HMGCLL1: variants seen among roughly 807,000 people sequenced by gnomAD.
HMGCLL1 encodes 3-hydroxymethyl-3-methylglutaryl-CoA lyase, cytoplasmic.
A neutral mutation model predicts 39.1 loss-of-function variants in HMGCLL1; 36 were observed. The ratio of observed to expected loss-of-function variants is 0.92; its 90% CI spans 0.71 to 1.22. The LOEUF (loss-of-function observed/expected upper bound fraction) is 1.22, where lower values mean the gene tolerates loss of function less well. HMGCLL1 is among the 50% of genes most tolerant of loss of function. The pLI, the probability that HMGCLL1 is intolerant of heterozygous loss-of-function variation, is 0.00. For missense variants in HMGCLL1, 451 were observed against 416.5 expected (o/e 1.08, Z -0.72); for synonymous variants, 149 against 144.0 (o/e 1.03, Z -0.25).
At chr6:55,533,683 G>A (rs1385395668) in intron 3 of HMGCLL1, among the ~76,000 whole-genome samples, 1 of 151,292 alleles carries the variant, frequency 6.6e-6, no homozygotes, top group African/African-American at 2.4e-5. Context: ...TCAGGAGATC[G>A]AGACCATCCT....
At chr6:55,494,779 T>A (rs1220161989) in intron 7 of HMGCLL1, among the ~76,000 whole-genome samples, 1 of 152,182 alleles carries the variant, frequency 6.6e-6, no homozygotes, top group African/African-American at 2.4e-5. Context: ...AATTTTAAAA[T>A]AATACTCGTT....
intron 5 of HMGCLL1, among the ~76,000 whole-genome samples, chr6:55,504,826 T>C (rs920226468): frequency 6.6e-6 from 1 of 151,700 alleles, no homozygotes; most frequent in African/African-American, 2.4e-5. Context: ...TCTGAATACT[T>C]GTCTAAGACA....
At chr6:55,570,017 A>C (rs1208160118) in intron 1 of HMGCLL1, among the ~76,000 whole-genome samples, 1 of 152,194 alleles carries the variant, frequency 6.6e-6, no homozygotes, top group Non-Finnish European at 1.5e-5. Context: ...AAAATGCAAT[A>C]AACCCAGGAC....
At chr6:55,584,808 T>C in the HMGCLL1 span, among the ~76,000 whole-genome samples, 5 of 152,044 alleles carry the variant, frequency 3.3e-5, no homozygotes, top group Admixed American at 6.6e-5. Context: ...AAGATACCTA[T>C]TGGGCAGGGA....
At chr6:55,435,808 G>A in intron 8 of HMGCLL1, 45 bp from the exon 9 acceptor site, 1 of 989,946 alleles carries the variant, frequency 1.0e-6, no homozygotes, top group Non-Finnish European at 1.5e-6. Flanking sequence ...AGGGATTAGA[G>A]AGAAAAAAGA....
the HMGCLL1 span, among the ~76,000 whole-genome samples, chr6:55,635,564 T>C: frequency 6.6e-6 from 1 of 152,210 alleles, no homozygotes; most frequent in South Asian, 2.1e-4. Context: ...ATATACTGTC[T>C]GTCCAAGGTG....
intron 3 of HMGCLL1, among the ~76,000 whole-genome samples, chr6:55,522,721 C>T (rs979491808): frequency 1.3e-5 from 2 of 151,944 alleles, no homozygotes; most frequent in African/African-American, 4.8e-5. Flanking sequence ...CATGTCATTT[C>T]TATGTTTACT....
the HMGCLL1 span, among the ~76,000 whole-genome samples, chr6:55,615,113 A>T: frequency 1.3e-5 from 2 of 152,138 alleles, no homozygotes; most frequent in African/African-American, 2.4e-5. Context: ...TAGTGTAAAC[A>T]GCATAGACTT....
chr6:55,479,624 C>T (rs899258216), intron 7 of HMGCLL1, among the ~76,000 whole-genome samples: 13 of 151,590 alleles, frequency 8.6e-5, no homozygotes, highest in African/African-American at 3.2e-4. Context: ...TATATTAGCA[C>T]AGTAGGTCAG....
At chr6:55,488,514 C>A (rs998450804) in intron 7 of HMGCLL1, among the ~76,000 whole-genome samples, 1 of 152,018 alleles carries the variant, frequency 6.6e-6, no homozygotes, top group Middle Eastern at 3.4e-3. Flanking sequence ...ACCAATAAAC[C>A]TTTTTTTGGT....
chr6:55,562,847 T>C (rs1421991383), intron 1 of HMGCLL1, among the ~76,000 whole-genome samples: 1 of 152,020 alleles, frequency 6.6e-6, no homozygotes, highest in Non-Finnish European at 1.5e-5. Flanking sequence ...ACCAATCTCA[T>C]ACACAAATGT....
the HMGCLL1 span, among the ~76,000 whole-genome samples, chr6:55,615,314 T>C: frequency 6.6e-6 from 1 of 151,290 alleles, no homozygotes; most frequent in African/African-American, 2.5e-5. Flanking sequence ...TGTTGAAATC[T>C]AGAAAGCGTA....
chr6:55,546,285 G>A (rs893089205), intron 1 of HMGCLL1, among the ~76,000 whole-genome samples: 2 of 151,918 alleles, frequency 1.3e-5, no homozygotes, highest in Non-Finnish European at 2.9e-5. Flanking sequence ...TCTGACTTCC[G>A]CAGATGGAAT....
At chr6:55,673,376 T>A in the HMGCLL1 span, among the ~76,000 whole-genome samples, 2 of 151,960 alleles carry the variant, frequency 1.3e-5, no homozygotes, top group African/African-American at 4.8e-5. Flanking sequence ...TATATGGTGA[T>A]CATGCTCTCC....
chr6:55,449,298 G>A (rs560867150), intron 7 of HMGCLL1, among the ~76,000 whole-genome samples: 1 of 152,274 alleles, frequency 6.6e-6, no homozygotes, highest in Admixed American at 6.5e-5. Context: ...AGTGAAACAG[G>A]CCATTTCTAA....
chr6:55,539,118 TA>T (rs1453304424), intron 3 of HMGCLL1, among the ~76,000 whole-genome samples: 2 of 152,112 alleles, frequency 1.3e-5, no homozygotes, highest in Admixed American at 1.3e-4. Context: ...GCAGGACATG[TA>T]AATAGAGGAC....
intron 1 of HMGCLL1, among the ~76,000 whole-genome samples, chr6:55,575,587 T>C (rs1771723510): frequency 1.3e-5 from 2 of 152,142 alleles, no homozygotes; most frequent in African/African-American, 4.8e-5. Context: ...GAATTTTCTA[T>C]CTGTTCTAAC....
chr6:55,455,321 G>T (rs1764276480), intron 7 of HMGCLL1, among the ~76,000 whole-genome samples: 1 of 151,794 alleles, frequency 6.6e-6, no homozygotes, highest in South Asian at 2.1e-4. Context: ...TAAAGCATTG[G>T]GTACATCTTG....
chr6:55,447,438 T>G (rs1763902633), intron 7 of HMGCLL1, among the ~76,000 whole-genome samples: 1 of 151,972 alleles, frequency 6.6e-6, no homozygotes, highest in African/African-American at 2.4e-5. Context: ...TGATTATTAA[T>G]CAAAATAATT....
Sources: gnomAD v4.1 joint callset for allele counts (sites outside exome capture counted in the v4.1 genomes callset) on GRCh38, gnomAD v4.1.1 for gene constraint, MANE v1.5 for transcripts, NCBI Gene and HGNC (gene_info 2026-07-23, HGNC 2026-07-21) for gene names.